PRKG1: variants seen among roughly 807,000 people sequenced by gnomAD.
PRKG1 encodes protein kinase cGMP-dependent 1, also known as cGMP-dependent protein kinase 1.
A neutral mutation model predicts 88.1 loss-of-function variants in PRKG1; 35 were observed. The ratio of observed to expected loss-of-function variants is 0.40; its 90% CI spans 0.30 to 0.53. The LOEUF (loss-of-function observed/expected upper bound fraction) is 0.53. PRKG1 is among the 20% of genes least tolerant of loss of function. The pLI is 0.59. For synonymous variants in PRKG1, 303 were observed against 292.5 expected, an observed-to-expected ratio of 1.04 and a Z score of -0.37; for missense variants, 540 against 839.8, an observed-to-expected ratio of 0.64 and a Z score of 4.41.
intron 3 of PRKG1, among the ~76,000 whole-genome samples, chr10:51,752,558 A>G (rs1837753708): frequency 6.6e-6 from 1 of 152,192 alleles, no homozygotes; most frequent in African/African-American, 2.4e-5. Context: ...CTTTTAGTCT[A>G]GTGAGTGTGT....
At chr10:51,979,111 C>G (rs1177583761) in intron 5 of PRKG1, among the ~76,000 whole-genome samples, 1 of 151,922 alleles carries the variant, frequency 6.6e-6, no homozygotes, top group African/African-American at 2.4e-5. Flanking sequence ...ATAGATGGCT[C>G]TTATTGTTTT....
chr10:51,401,353 G>C (rs1362994684), intron 2 of PRKG1, among the ~76,000 whole-genome samples: 3 of 152,160 alleles, frequency 2.0e-5, no homozygotes, highest in Non-Finnish European at 4.4e-5. Context: ...AACTTTAGAT[G>C]GAGGCTGATT....
chr10:52,280,758 A>G (rs750543125), intron 12 of PRKG1, 31 bp from the exon 13 acceptor site: 7 of 1,595,792 alleles, frequency 4.4e-6, no homozygotes, highest in African/African-American at 1.4e-5. Context: ...TTAATTTTTT[A>G]TACAATTTTC....
chr10:51,138,670 G>GTTTTTTTTTTTTTTTTTTTTTTTTT (rs1402122952), intron 1 of PRKG1, among the ~76,000 whole-genome samples: 1 of 67,046 alleles, frequency 1.5e-5, no homozygotes, highest in African/African-American at 4.5e-5. Context: ...TGGACATTGA[G>GTTTTTTTTTTTTTTTTTTTTTTTTT]TTTTGTTTTT....
At chr10:51,464,038 A>G (rs1434431276) in intron 2 of PRKG1, among the ~76,000 whole-genome samples, 1 of 151,862 alleles carries the variant, frequency 6.6e-6, no homozygotes, top group Admixed American at 6.6e-5. Context: ...TTGGGAGGCC[A>G]AGGTGGGCGG....
intron 4 of PRKG1, among the ~76,000 whole-genome samples, chr10:51,902,791 A>T (rs1313275355): frequency 6.6e-6 from 1 of 152,210 alleles, no homozygotes; most frequent in Non-Finnish European, 1.5e-5. Context: ...CATTAAAGTG[A>T]TAATATCATT....
chr10:52,163,398 A>G lies in PRKG1; in HGVS notation c.1076+1435A>G, dbSNP rs372264772. Among the ~76,000 whole-genome samples the G allele has an allele frequency of 5.3e-5, 8 of 150,878 alleles. No homozygotes were observed. The East Asian group carries it at 5.8e-4, about 11-fold the overall frequency. On this transcript the variant is annotated intron_variant, in intron 9 of 17. Transcript: ENST00000373980. ...TATACATGTATATGCATATACATAT[A>G]TAAAAGATATAGAACAACTGATGGT...
chr10:51,442,694 G>C (rs2132751167), intron 2 of PRKG1, among the ~76,000 whole-genome samples: 1 of 152,072 alleles, frequency 6.6e-6, no homozygotes, highest in South Asian at 2.1e-4. Context: ...TAATTGAGGG[G>C]AGTGAAAAAG....
chr10:51,487,861 A>G (rs1840593165), intron 3 of PRKG1, among the ~76,000 whole-genome samples: 1 of 152,146 alleles, frequency 6.6e-6, no homozygotes, highest in East Asian at 1.9e-4. Context: ...AAAGTGTTTT[A>G]TTTCAGTTTC....
intron 9 of PRKG1, among the ~76,000 whole-genome samples, chr10:52,193,778 C>G (rs1002217977): frequency 1.3e-5 from 2 of 152,216 alleles, no homozygotes; most frequent in African/African-American, 4.8e-5. Flanking sequence ...CCAGTTTCCT[C>G]TGGATCCCTT....
At chr10:51,349,490 G>GTGTGTA (rs1041519766) in intron 2 of PRKG1, among the ~76,000 whole-genome samples, 3 of 149,598 alleles carry the variant, frequency 2.0e-5, no homozygotes, top group Non-Finnish European at 4.4e-5. Flanking sequence ...GTGTATGTGT[G>GTGTGTA]TGTGTATGTG....
At chr10:51,720,767 A>G (rs1373011805) in intron 3 of PRKG1, among the ~76,000 whole-genome samples, 4 of 152,204 alleles carry the variant, frequency 2.6e-5, no homozygotes, top group Non-Finnish European at 5.9e-5. Context: ...CACTCTTAAT[A>G]GTTATAATGA....
rs183091108 is a variant in PRKG1 at position 51,405,544 on chromosome 10, G to T, written c.479-62179G>T. ...AAATAAGTAAACCATGTACTCTTCA[G>T]AACTGGATTAAAACCATATCGGAAA... On this transcript the variant is annotated intron_variant, in intron 2 of 17. Transcript: ENST00000373980. Among the ~76,000 whole-genome samples, 24 of 152,294 alleles carry T rather than the reference G, an allele frequency of 1.6e-4. No homozygotes were observed. In the East Asian group the frequency reaches 3.7e-3, roughly 23 times the overall value.
At chr10:52,032,726 T>C (rs1845502039) in intron 5 of PRKG1, among the ~76,000 whole-genome samples, 1 of 152,146 alleles carries the variant, frequency 6.6e-6, no homozygotes, top group Non-Finnish European at 1.5e-5. Flanking sequence ...CCCACTTAAA[T>C]GCAAATAAGT....
chr10:51,355,537 T>A (rs763427405), intron 2 of PRKG1, among the ~76,000 whole-genome samples: 1 of 152,060 alleles, frequency 6.6e-6, no homozygotes, highest in Non-Finnish European at 1.5e-5. Flanking sequence ...CTTTTATTGT[T>A]GCTTTTTCCC....
At chr10:51,800,172 A>G (rs1029138715) in intron 3 of PRKG1, among the ~76,000 whole-genome samples, 2 of 152,074 alleles carry the variant, frequency 1.3e-5, no homozygotes, top group Non-Finnish European at 2.9e-5. Context: ...AATGCTAAAT[A>G]TCAGTTATAG....
intron 3 of PRKG1, among the ~76,000 whole-genome samples, chr10:51,660,316 T>C (rs1321217770): frequency 6.6e-6 from 1 of 151,886 alleles, no homozygotes. Flanking sequence ...ATCATCATCA[T>C]CATCTTTTTT....
chr10:51,047,463 T>C (rs1843504657), intron 1 of PRKG1, among the ~76,000 whole-genome samples: 1 of 152,062 alleles, frequency 6.6e-6, no homozygotes, highest in Non-Finnish European at 1.5e-5. Flanking sequence ...CCTAGGTCAG[T>C]TTTCCAGAAA....
At chr10:51,375,208 G>T (rs1020126565) in intron 2 of PRKG1, among the ~76,000 whole-genome samples, 11 of 152,132 alleles carry the variant, frequency 7.2e-5, no homozygotes, top group African/African-American at 2.4e-4. Context: ...AAGTTAGAAA[G>T]ATTATTTAAC....
Sources: allele counts gnomAD v4.1 joint callset (sites outside exome capture counted in the v4.1 genomes callset), GRCh38; gene constraint gnomAD v4.1.1; transcripts MANE v1.5; gene names NCBI Gene and HGNC (gene_info 2026-07-23, HGNC 2026-07-21).